The following ADAMTSL3 variants were observed in gnomAD, a reference collection of about 807,000 sequenced individuals.
ADAMTSL3 encodes the protein ADAMTS like 3, also known as ADAMTS-like protein 3.
ADAMTSL3 carries 128 observed loss-of-function variants against 201.7 expected under a neutral mutation model. That is an observed-to-expected ratio of 0.63 (90% CI 0.55 to 0.73). The LOEUF is 0.73. Ranked by LOEUF, ADAMTSL3 falls within the 30% of genes least tolerant of loss-of-function variation. ADAMTSL3 has a pLI of 0.00. For missense variants in ADAMTSL3, 1,990 were observed against 2,119.6 expected (o/e 0.94, Z 1.20); for synonymous variants, 738 against 748.4 (o/e 0.99, Z 0.23).
At chr15:83,717,430 T>C (rs915236584) in intron 3 of ADAMTSL3, 13 of 152,234 alleles carry the variant, frequency 8.5e-5, no homozygotes, top group Admixed American at 8.5e-4. Flanking sequence ...CTCCTCTGTG[T>C]TTGCTTCAGC....
In ADAMTSL3 at chr15:83,842,471, T is replaced by G. The variant is rs1270235382; in HGVS notation, c.727+4256T>G. Among the ~76,000 whole-genome samples the G allele has an allele frequency of 3.3e-5, 5 of 152,060 alleles. No homozygotes were observed. The South Asian group carries it at 1.0e-3, about 31-fold the overall frequency. On this transcript the variant is annotated intron_variant, in intron 7 of 29. Transcript: ENST00000286744. ...AACCTGCCCGTCTGCATGCTCCCCC[T>G]AGGGGCTTGAGCTGCTGGGCACGGA...
chr15:83,971,568 A>AC (rs2067196165), intron 20 of ADAMTSL3, among the ~76,000 whole-genome samples: 1 of 147,240 alleles, frequency 6.8e-6, no homozygotes, highest in Non-Finnish European at 1.5e-5. Context: ...CAAAAAAAAA[A>AC]AAAAAAAAAG....
chr15:83,656,711 A>C (rs1200912926), intron 2 of ADAMTSL3, among the ~76,000 whole-genome samples: 1 of 152,196 alleles, frequency 6.6e-6, no homozygotes, highest in Non-Finnish European at 1.5e-5. Flanking sequence ...GAATTAGAAC[A>C]AGGCAATCCC....
chr15:84,025,565 A>G, intron 27 of ADAMTSL3, 129 bp downstream of exon 27: 1 of 855,902 alleles, frequency 1.2e-6, no homozygotes, highest in Non-Finnish European at 1.8e-6. Flanking sequence ...TCTGAAATGA[A>G]TGTATGTCTT....
intron 17 of ADAMTSL3, among the ~76,000 whole-genome samples, chr15:83,939,624 A>G (rs1330368471): frequency 6.8e-6 from 1 of 147,794 alleles, no homozygotes; most frequent in South Asian, 2.1e-4. Context: ...TGAAGGACCA[A>G]CTTTTTTTTT....
intron 23 of ADAMTSL3, 77 bp downstream of exon 23, chr15:83,991,291 C>T (rs1161616057): frequency 6.3e-7 from 1 of 1,591,374 alleles, no homozygotes; most frequent in African/African-American, 1.3e-5. Flanking sequence ...CAGGAAACAC[C>T]AGCTGGCATT....
At chr15:83,790,329 A>G (rs1325413389) in intron 4 of ADAMTSL3, among the ~76,000 whole-genome samples, 1 of 150,612 alleles carries the variant, frequency 6.6e-6, no homozygotes, top group African/African-American at 2.4e-5. Flanking sequence ...AGTAAAAATT[A>G]TTAATACAAT....
chr15:83,984,410 TAAAAA>T (rs2067439479), intron 21 of ADAMTSL3, among the ~76,000 whole-genome samples: 1 of 152,230 alleles, frequency 6.6e-6, no homozygotes, highest in Non-Finnish European at 1.5e-5. Flanking sequence ...GGCTATATCT[TAAAAA>T]GGTAGAAAAA....
chr15:83,660,505 G>A (rs1039957873), intron 2 of ADAMTSL3, among the ~76,000 whole-genome samples: 1 of 152,180 alleles, frequency 6.6e-6, no homozygotes, highest in Non-Finnish European at 1.5e-5. Context: ...TCATAACCTT[G>A]TGTCTGAGTG....
chr15:83,910,850 G>C (rs867951945), intron 15 of ADAMTSL3, among the ~76,000 whole-genome samples: 1 of 150,686 alleles, frequency 6.6e-6, no homozygotes, highest in African/African-American at 2.4e-5. Context: ...ATGTTGGCCA[G>C]GCTAGTCTCG....
Position 83,982,277 on chromosome 15 carries a change from C to A in ADAMTSL3, c.2649C>A (p.Ile883=). 1.3e-6 allele frequency: 2 copies of A among 1,548,668 alleles called. No individual in the cohort carries two copies. Among genetic ancestry groups the A allele is most frequent in the Non-Finnish European group, 1.7e-6 (2 of 1,147,528 alleles). ...TTCTTTTTTTTTTTCTTGGAGAAAT[C>A]AAATCAGAGATGAAGACAAAACTTG... ...RSCQMPECSK[I]KSEMKTKLGE... The change falls in exon 21 of 30, where the codon ATC becomes ATA. Residue 883 remains isoleucine (I), a synonymous_variant. Coordinates refer to ENST00000286744, the MANE Select transcript of ADAMTSL3 (RefSeq NM_207517.3).
chr15:83,678,367 A>C (rs1473859718), intron 2 of ADAMTSL3, among the ~76,000 whole-genome samples: 1 of 151,874 alleles, frequency 6.6e-6, no homozygotes, highest in African/African-American at 2.4e-5. Flanking sequence ...TCATTTGAGA[A>C]TGTCTTGATT....
intron 23 of ADAMTSL3, 113 bp from the exon 24 acceptor site, chr15:84,014,429 G>A: frequency 1.0e-6 from 1 of 966,722 alleles, no homozygotes; most frequent in Non-Finnish European, 1.6e-6. Flanking sequence ...TATTATATAT[G>A]ATTAAACCCA....
chr15:83,905,560 C>T (rs1186616354), intron 15 of ADAMTSL3, among the ~76,000 whole-genome samples: 1 of 152,148 alleles, frequency 6.6e-6, no homozygotes, highest in African/African-American at 2.4e-5. Flanking sequence ...CACTAAGGAG[C>T]TTGGACTTTA....
chr15:83,967,873 A>C (rs1156606796), intron 19 of ADAMTSL3, among the ~76,000 whole-genome samples: 1 of 152,234 alleles, frequency 6.6e-6, no homozygotes, highest in Non-Finnish European at 1.5e-5. Context: ...CTCAGAAATC[A>C]TGCCACACAT....
chr15:83,744,441 T>C (rs77291928), intron 3 of ADAMTSL3, among the ~76,000 whole-genome samples: 15,101 of 152,232 alleles, frequency 0.099, 904 homozygotes, highest in Admixed American at 0.19. Context: ...ACATGTTGTC[T>C]CTGAGCATTA....
chr15:83,716,548 A>G (rs150339909), intron 3 of ADAMTSL3, among the ~76,000 whole-genome samples: 6 of 152,102 alleles, frequency 3.9e-5, no homozygotes, highest in Non-Finnish European at 4.4e-5. Flanking sequence ...AAAGAAAGAA[A>G]ATAAATTCTT....
At chr15:83,821,640 C>T (rs1175373454) in intron 6 of ADAMTSL3, among the ~76,000 whole-genome samples, 3 of 151,868 alleles carry the variant, frequency 2.0e-5, no homozygotes, top group Admixed American at 1.3e-4. Flanking sequence ...CCATGTCTAC[C>T]TCTTTCTACA....
chr15:83,661,838 G>T (rs955218285), intron 2 of ADAMTSL3, among the ~76,000 whole-genome samples: 3 of 149,300 alleles, frequency 2.0e-5, no homozygotes, highest in African/African-American at 7.5e-5. Context: ...ATCATCACTG[G>T]CCATCAGAGA....
Sources: allele counts gnomAD v4.1 joint callset (sites outside exome capture counted in the v4.1 genomes callset), GRCh38; gene constraint gnomAD v4.1.1; transcripts MANE v1.5; gene names NCBI Gene and HGNC (gene_info 2026-07-23, HGNC 2026-07-21).